EPHA6: variants seen among roughly 807,000 people sequenced by gnomAD.
The protein encoded by EPHA6 is ephrin type-A receptor 6.
Under a neutral mutation model 112.0 loss-of-function variants are expected in EPHA6, and 50 were observed. The observed-to-expected ratio is 0.45, with a 90% CI of 0.36 to 0.56. The LOEUF is 0.56. Ranked by LOEUF, EPHA6 falls within the 20% of genes least tolerant of loss-of-function variation. The probability of loss-of-function intolerance (pLI) is 0.00; values close to 1 mark genes in which losing one functional copy is unlikely to be tolerated. For synonymous variants in EPHA6, 529 were observed against 490.7 expected (o/e 1.08, Z -1.03); for missense variants, 1,280 against 1,417.4 (o/e 0.90, Z 1.56).
rs80160266 is a variant in EPHA6 at position 97,436,770 on chromosome 3, T to G, written c.1732-11798T>G. Among the ~76,000 whole-genome samples the G allele has an allele frequency of 3.7e-3, 561 of 152,328 alleles. 2 individuals carry two copies. The highest frequency in any genetic ancestry group is 0.017 in the Middle Eastern group (5 of 294). On this transcript the variant is annotated intron_variant, in intron 6 of 17. Coordinates refer to ENST00000389672, the MANE Select transcript of EPHA6 (RefSeq NM_001080448.3). ...AACTCTAGCAACCAAAAGACAGTTT[T>G]GGATGCCAGTCAACCAGCATTTGCT...
chr3:97,654,291 C>T (rs1340382671), intron 14 of EPHA6, among the ~76,000 whole-genome samples: 1 of 151,600 alleles, frequency 6.6e-6, no homozygotes, highest in Non-Finnish European at 1.5e-5. Context: ...TGAAAAAGCG[C>T]TGGGGAGAAA....
intron 5 of EPHA6, among the ~76,000 whole-genome samples, chr3:97,351,743 G>T (rs996505649): frequency 8.5e-5 from 13 of 152,054 alleles, no homozygotes; most frequent in African/African-American, 2.9e-4. Flanking sequence ...TCCCTCAAAA[G>T]AATGTTAACT....
intron 4 of EPHA6, among the ~76,000 whole-genome samples, chr3:97,229,709 G>T (rs1459106073): frequency 2.0e-5 from 3 of 151,958 alleles, no homozygotes; most frequent in Non-Finnish European, 4.4e-5. Context: ...TCATAGATTT[G>T]TCTGTATTAC....
intron 2 of EPHA6, among the ~76,000 whole-genome samples, chr3:96,941,690 CCA>C (rs1372475643): frequency 6.6e-6 from 1 of 152,170 alleles, no homozygotes; most frequent in African/African-American, 2.4e-5. Flanking sequence ...TTTAGAGTTT[CCA>C]GTTTTTCTGC....
At chr3:96,960,658 G>A (rs2041920139) in intron 2 of EPHA6, among the ~76,000 whole-genome samples, 1 of 152,132 alleles carries the variant, frequency 6.6e-6, no homozygotes, top group East Asian at 1.9e-4. Flanking sequence ...CAGGAACATA[G>A]CCAGCTGGTG....
At chr3:97,093,386 C>CA (rs1020391788) in intron 3 of EPHA6, among the ~76,000 whole-genome samples, 1 of 151,648 alleles carries the variant, frequency 6.6e-6, no homozygotes, top group Non-Finnish European at 1.5e-5. Context: ...GCTTCTCTAC[C>CA]AAAAAATACA....
intron 5 of EPHA6, among the ~76,000 whole-genome samples, chr3:97,333,359 AT>A (rs2082892561): frequency 7.1e-6 from 1 of 140,524 alleles, no homozygotes; most frequent in African/African-American, 2.7e-5. Context: ...TTAGGGGTTT[AT>A]TTTTGTTTTT....
At chr3:97,164,504 A>C (rs1443210081) in intron 3 of EPHA6, among the ~76,000 whole-genome samples, 1 of 152,000 alleles carries the variant, frequency 6.6e-6, no homozygotes, top group Non-Finnish European at 1.5e-5. Context: ...GCTACTTTTT[A>C]GTGTTATTAT....
At chr3:97,689,563 A>G (rs557185605) in intron 14 of EPHA6, among the ~76,000 whole-genome samples, 1 of 152,192 alleles carries the variant, frequency 6.6e-6, no homozygotes, top group Non-Finnish European at 1.5e-5. Flanking sequence ...CTGAGTGGCC[A>G]GGAACCCAGG....
intron 2 of EPHA6, among the ~76,000 whole-genome samples, chr3:96,899,945 A>T (rs1200829038): frequency 6.6e-6 from 1 of 152,186 alleles, no homozygotes; most frequent in Non-Finnish European, 1.5e-5. Context: ...TGATGAAAAC[A>T]TGTAATGATT....
At chr3:96,896,645 TC>T (rs2038284579) in intron 2 of EPHA6, among the ~76,000 whole-genome samples, 1 of 152,188 alleles carries the variant, frequency 6.6e-6, no homozygotes, top group South Asian at 2.1e-4. Context: ...GTTGTTTTTA[TC>T]CTGGCTATGT....
chr3:97,111,038 A>G (rs765319379), intron 3 of EPHA6, among the ~76,000 whole-genome samples: 17 of 152,140 alleles, frequency 1.1e-4, no homozygotes, highest in Middle Eastern at 3.2e-3. Flanking sequence ...CTTTAGGAAA[A>G]GGTTTAAAAA....
intron 13 of EPHA6, chr3:97,612,250 A>G (rs911310055): frequency 3.8e-6 from 1 of 259,950 alleles, no homozygotes; most frequent in Non-Finnish European, 7.8e-6. Flanking sequence ...CTGTATACTT[A>G]ATGTCCTTCC....
chr3:97,307,227 C>A (rs1207290499), intron 5 of EPHA6, among the ~76,000 whole-genome samples: 1 of 151,688 alleles, frequency 6.6e-6, no homozygotes, highest in Non-Finnish European at 1.5e-5. Context: ...GCCCACTCTT[C>A]TAGAGATAAG....
chr3:97,011,203 A>C (rs2044073269), intron 3 of EPHA6, among the ~76,000 whole-genome samples: 2 of 152,182 alleles, frequency 1.3e-5, no homozygotes, highest in South Asian at 4.1e-4. Context: ...AGGGGATTTT[A>C]AGGGGGAAGG....
intron 5 of EPHA6, among the ~76,000 whole-genome samples, chr3:97,376,565 T>C (rs2085372411): frequency 6.6e-6 from 1 of 152,230 alleles, no homozygotes; most frequent in Admixed American, 6.5e-5. Context: ...TACTGTTGAC[T>C]TCTTTTTCTG....
intron 3 of EPHA6, among the ~76,000 whole-genome samples, chr3:96,989,078 G>T (rs924927768): frequency 2.0e-5 from 3 of 152,076 alleles, no homozygotes; most frequent in Non-Finnish European, 4.4e-5. Context: ...AACTTCTTAA[G>T]AGGGTGTTTT....
intron 3 of EPHA6, among the ~76,000 whole-genome samples, chr3:97,043,953 T>A (rs943720216): frequency 1.3e-5 from 2 of 152,172 alleles, no homozygotes; most frequent in Non-Finnish European, 2.9e-5. Context: ...TATGCAGAAC[T>A]AAAATGTTTA....
chr3:97,420,910 A>G (rs2088569698), intron 6 of EPHA6, among the ~76,000 whole-genome samples: 1 of 152,160 alleles, frequency 6.6e-6, no homozygotes, highest in South Asian at 2.1e-4. Flanking sequence ...TTAACAGTAG[A>G]TAATTTATCA....
Sources: allele counts gnomAD v4.1 joint callset (sites outside exome capture counted in the v4.1 genomes callset), GRCh38; gene constraint gnomAD v4.1.1; transcripts MANE v1.5; gene names NCBI Gene and HGNC (gene_info 2026-07-23, HGNC 2026-07-21).